The following RIC3 variants were observed in gnomAD, a reference collection of about 807,000 sequenced individuals.
The protein encoded by RIC3 is protein RIC-3.
Under a neutral mutation model 27.3 loss-of-function variants are expected in RIC3, and 28 were observed. The observed-to-expected ratio is 1.02, with a 90% CI of 0.76 to 1.41. RIC3 has a LOEUF of 1.41. Ranked by LOEUF, RIC3 falls within the 40% of genes most tolerant of loss-of-function variation. The pLI is 0.00. For synonymous variants in RIC3, 184 were observed against 160.4 expected (o/e 1.15, Z -1.11); for missense variants, 501 against 444.7 (o/e 1.13, Z -1.14).
At chr11:8,100,924 C>G in the RIC3 span, 14 of 1,614,062 alleles carry the variant, frequency 8.7e-6, no homozygotes, top group Non-Finnish European at 1.1e-5. Context: ...ACACACAGTC[C>G]TATGTACTCA....
chr11:8,163,552 T>C (rs1396149230), intron 1 of RIC3, among the ~76,000 whole-genome samples: 1 of 151,926 alleles, frequency 6.6e-6, no homozygotes, highest in Non-Finnish European at 1.5e-5. Flanking sequence ...AGTATCAATA[T>C]ACAAAAACTA....
intron 4 of RIC3, among the ~76,000 whole-genome samples, chr11:8,133,090 T>C (rs1279004310): frequency 6.6e-6 from 1 of 152,242 alleles, no homozygotes; most frequent in Non-Finnish European, 1.5e-5. Flanking sequence ...AACAGATTAA[T>C]GCCATTATCT....
At chr11:8,134,254 T>C (rs1948094778) in intron 4 of RIC3, among the ~76,000 whole-genome samples, 1 of 152,176 alleles carries the variant, frequency 6.6e-6, no homozygotes, top group Non-Finnish European at 1.5e-5. Flanking sequence ...TGTTTGGTTT[T>C]TTATCCTTGC....
chr11:8,112,294 C>CTTTTTTTTTT (rs11376341), intron 5 of RIC3, among the ~76,000 whole-genome samples: 1 of 124,316 alleles, frequency 8.0e-6, no homozygotes. Flanking sequence ...CTTTTCTTTT[C>CTTTTTTTTTT]TTTTTTTTTT....
chr11:8,118,799 C>G (rs556351430), intron 5 of RIC3, among the ~76,000 whole-genome samples: 19 of 151,134 alleles, frequency 1.3e-4, no homozygotes, highest in African/African-American at 4.1e-4. Flanking sequence ...TGAACCCAGG[C>G]AGCGAAGGTT....
intron 5 of RIC3, among the ~76,000 whole-genome samples, chr11:8,112,289 CTTTTCTTTTT>C (rs907801526): frequency 4.4e-5 from 6 of 135,240 alleles, no homozygotes; most frequent in African/African-American, 1.7e-4. Context: ...CTTTTCTTTT[CTTTTCTTTTT>C]TTTTTTTTGA....
intron 1 of RIC3, among the ~76,000 whole-genome samples, chr11:8,146,105 T>C (rs1352699105): frequency 6.6e-6 from 1 of 152,218 alleles, no homozygotes; most frequent in Non-Finnish European, 1.5e-5. Flanking sequence ...GTAAGAATGT[T>C]TGCTGTGACA....
Position 8,139,978 on chromosome 11 carries a change from T to A in RIC3, c.340A>T (p.Ile114Phe). The A allele has an allele frequency of 6.2e-7, 1 of 1,613,350 alleles. No individual in the cohort carries two copies. Among genetic ancestry groups the A allele is most frequent in the Non-Finnish European group, 8.5e-7 (1 of 1,179,440 alleles). ...ATGATTCTACTTACCTTAAATAGAA[T>A]GTACAGTATATATAAAAAAATCCCA... Reference protein sequence around the residue: ...GFGIFLYILYILFKLSKGKTT... With the variant: ...GFGIFLYILYFLFKLSKGKTT... Residue 114 changes from isoleucine to phenylalanine, a missense_variant, in exon 2 of 6, where the codon ATT becomes TTT. Transcript: ENST00000309737.
At chr11:8,123,611 A>G (rs921653793) in intron 5 of RIC3, among the ~76,000 whole-genome samples, 3 of 152,194 alleles carry the variant, frequency 2.0e-5, no homozygotes, top group Non-Finnish European at 4.4e-5. Flanking sequence ...TACTAACAAT[A>G]AAGTTGACAA....
chr11:8,144,278 C>T (rs1161604123), intron 1 of RIC3, among the ~76,000 whole-genome samples: 10 of 150,632 alleles, frequency 6.6e-5, no homozygotes, highest in Admixed American at 1.3e-4. Flanking sequence ...GCAACCTACT[C>T]ATCTGACAAA....
chr11:8,137,218 T>A (rs1948523500), intron 4 of RIC3, among the ~76,000 whole-genome samples, 160 bp downstream of exon 4: 1 of 152,166 alleles, frequency 6.6e-6, no homozygotes, highest in Non-Finnish European at 1.5e-5. Flanking sequence ...GAGACAGGGT[T>A]TCATCATGTT....
intron 1 of RIC3, among the ~76,000 whole-genome samples, chr11:8,149,125 G>A (rs892004970): frequency 2.6e-5 from 4 of 151,632 alleles, no homozygotes; most frequent in African/African-American, 4.8e-5. Flanking sequence ...TCCGGGAGGC[G>A]GAGCTTGCAG....
rs192617401 is a variant in RIC3 at position 8,131,061 on chromosome 11, T to C, written c.522-4254A>G. ...CCGAAAGGAGGCAAAATCAGAGAAA[T>C]CACATGAGATAGTTATGACCTGTAT... is the stretch of plus-strand genomic sequence containing the variant. On this transcript the variant is annotated intron_variant, in intron 4 of 5. Coordinates refer to ENST00000309737, the MANE Select transcript of RIC3 (RefSeq NM_001206671.4). 6.5e-3 allele frequency among the ~76,000 whole-genome samples: 985 copies of C among 152,234 alleles called. 22 individuals are homozygous for C. Among genetic ancestry groups the C allele is most frequent in the Admixed American group, 0.051 (784 of 15,290 alleles).
intron 5 of RIC3, among the ~76,000 whole-genome samples, chr11:8,117,537 G>C (rs565397507): frequency 1.3e-4 from 20 of 152,222 alleles, no homozygotes; most frequent in Non-Finnish European, 2.5e-4. Context: ...GTGGTTATCA[G>C]AAGCTAGGGG....
At chr11:8,117,732 T>G (rs1946009697) in intron 5 of RIC3, among the ~76,000 whole-genome samples, 1 of 152,220 alleles carries the variant, frequency 6.6e-6, no homozygotes. Context: ...TGTGAGGTAA[T>G]GTGTATGTTA....
At chr11:8,134,868 G>A (rs1242393019) in intron 4 of RIC3, among the ~76,000 whole-genome samples, 1 of 152,132 alleles carries the variant, frequency 6.6e-6, no homozygotes, top group Non-Finnish European at 1.5e-5. Flanking sequence ...ATTTGTTTGA[G>A]TTCATCGTAG....
At chr11:8,168,640 C>CT (rs1258864017) in intron 1 of RIC3, among the ~76,000 whole-genome samples, 1 of 152,234 alleles carries the variant, frequency 6.6e-6, no homozygotes, top group Admixed American at 6.5e-5. Flanking sequence ...GACCTGCATG[C>CT]ATACGTTCCT....
At chr11:8,128,290 A>C (rs1947231048) in intron 4 of RIC3, 1 of 457,114 alleles carries the variant, frequency 2.2e-6, no homozygotes, top group Admixed American at 2.4e-5. Context: ...GGGCATTCTG[A>C]TCTTCAATGA....
intron 5 of RIC3, among the ~76,000 whole-genome samples, chr11:8,122,340 T>C (rs1289930288): frequency 1.3e-5 from 2 of 152,186 alleles, no homozygotes; most frequent in African/African-American, 4.8e-5. Flanking sequence ...TCATATAGTA[T>C]GTAACCTTTG....
Sources: gnomAD v4.1 joint callset for allele counts (sites outside exome capture counted in the v4.1 genomes callset) on GRCh38, gnomAD v4.1.1 for gene constraint, MANE v1.5 for transcripts, NCBI Gene and HGNC (gene_info 2026-07-23, HGNC 2026-07-21) for gene names.